The following NLN variants were observed in gnomAD, a reference collection of about 807,000 sequenced individuals.
NLN encodes the protein neurolysin.
In NLN, 64 loss-of-function variants were observed where a neutral mutation model predicts 79.9. That is an observed-to-expected ratio of 0.80 (90% CI 0.65 to 0.99). NLN has a LOEUF of 0.99. Among genes scored for constraint, NLN ranks in the 50% least tolerant of loss-of-function variants. The pLI is 0.00. For missense variants in NLN, 835 were observed against 858.7 expected (o/e 0.97, Z 0.34); for synonymous variants, 267 against 296.6 (o/e 0.90, Z 1.02).
Position 65,827,171 on chromosome 5 carries a change from G to A in NLN, c.*4256G>A, listed in dbSNP as rs1057062461. On this transcript the variant is annotated 3_prime_UTR_variant, in exon 13 of 13. Transcript: ENST00000380985. ...AACAAAACAAAATTTGAAAAATTGA[G>A]GTAATGTACACAGCGATGCACACAC... 1 of 151,948 alleles carries A rather than the reference G, an allele frequency of 6.6e-6. No individual in the cohort carries two copies. The highest frequency in any genetic ancestry group is 1.5e-5 in the Non-Finnish European group (1 of 68,008). The allele number at this position is 151,948 out of a possible 1,614,324, so 9.4% of individuals were successfully genotyped here.
chr5:65,737,730 C>T (rs1309224110), intron 1 of NLN, among the ~76,000 whole-genome samples: 6 of 152,120 alleles, frequency 3.9e-5, no homozygotes, highest in Non-Finnish European at 8.8e-5. Flanking sequence ...TTTCTTAATA[C>T]AAAAACCCGG....
chr5:65,788,025 A>C, intron 7 of NLN, 93 bp from the exon 8 acceptor site: 2 of 1,258,376 alleles, frequency 1.6e-6, no homozygotes, highest in South Asian at 2.8e-5. Context: ...AGTACTGCAA[A>C]GGAGGAAGCA....
At chr5:65,772,200 C>G (rs747819366) in intron 3 of NLN, among the ~76,000 whole-genome samples, 1 of 152,156 alleles carries the variant, frequency 6.6e-6, no homozygotes. Flanking sequence ...TTTCCAAGTA[C>G]TTACCTATTT....
intron 6 of NLN, among the ~76,000 whole-genome samples, chr5:65,784,890 C>G (rs2150759398): frequency 6.6e-6 from 1 of 152,306 alleles, no homozygotes; most frequent in East Asian, 1.9e-4. Context: ...GTGAATTTCA[C>G]TACTCTAGGA....
intron 6 of NLN, among the ~76,000 whole-genome samples, chr5:65,784,497 G>A (rs1371960820): frequency 1.1e-4 from 16 of 152,104 alleles, no homozygotes; most frequent in Non-Finnish European, 1.9e-4. Flanking sequence ...AAGGGGCATC[G>A]GCATTCAGTG....
intron 1 of NLN, among the ~76,000 whole-genome samples, chr5:65,735,590 C>T (rs1758712163): frequency 6.6e-6 from 1 of 152,164 alleles, no homozygotes; most frequent in African/African-American, 2.4e-5. Context: ...TCCAAATCTT[C>T]CTCATCATGA....
At chr5:65,738,941 T>A (rs1579912498) in intron 1 of NLN, among the ~76,000 whole-genome samples, 1 of 113,032 alleles carries the variant, frequency 8.8e-6, no homozygotes, top group African/African-American at 3.4e-5. Flanking sequence ...TATATATTTT[T>A]TATATATGTT....
intron 12 of NLN, among the ~76,000 whole-genome samples, chr5:65,812,695 G>A (rs969532268): frequency 6.6e-6 from 1 of 152,188 alleles, no homozygotes; most frequent in Non-Finnish European, 1.5e-5. Flanking sequence ...GTTTTGACAT[G>A]TACCATACAA....
At position 65,792,611 on chromosome 5, in the gene NLN, T is replaced by TA; in HGVS notation, c.1484dup (p.Tyr495Ter). 1.2e-6 allele frequency: 2 copies of TA among 1,614,104 alleles called. No individual in the cohort carries two copies. The highest frequency in any genetic ancestry group is 1.7e-6 in the Non-Finnish European group (2 of 1,179,992). Residue 495 changes from tyrosine (Y) to a stop codon, truncating the protein, a stop_gained and frameshift_variant, in exon 9 of 13, where the codon TAC (tyrosine) becomes TAAC (stop). Coordinates refer to ENST00000380985, the MANE Select transcript of NLN (RefSeq NM_020726.5). LOFTEE classifies it high-confidence loss of function. ...CCTGAGACACGACGAGGTGAGGACT[T>TA]ACTTTCATGAGTTTGGTCACGTGAT... Reference protein sequence around the residue: ...SLLRHDEVRTYFHEFGHVMHQ... With the variant: ...SLLRHDEVRT
At chr5:65,797,172 C>G (rs1180177564) in intron 9 of NLN, among the ~76,000 whole-genome samples, 1 of 152,154 alleles carries the variant, frequency 6.6e-6, no homozygotes, top group Non-Finnish European at 1.5e-5. Context: ...TAATCACTAG[C>G]CTTTGAACTT....
intron 1 of NLN, among the ~76,000 whole-genome samples, chr5:65,739,329 A>G (rs1421667703): frequency 6.6e-6 from 1 of 152,074 alleles, no homozygotes; most frequent in Admixed American, 6.6e-5. Flanking sequence ...AGGTTCATCC[A>G]TGTTGTCACA....
At chr5:65,786,099 A>G (rs916534169) in intron 7 of NLN, 189 bp downstream of exon 7, 3 of 468,212 alleles carry the variant, frequency 6.4e-6, no homozygotes, top group African/African-American at 5.8e-5. Flanking sequence ...TATTGCTAGT[A>G]TAGGCCTGGC....
intron 9 of NLN, among the ~76,000 whole-genome samples, chr5:65,793,809 T>G (rs571462218): frequency 1.2e-4 from 19 of 152,148 alleles, no homozygotes; most frequent in Non-Finnish European, 2.2e-4. Context: ...AAAGATGATA[T>G]AAGGATTGCC....
chr5:65,751,051 C>T (rs1000408162), intron 1 of NLN, among the ~76,000 whole-genome samples: 16 of 152,174 alleles, frequency 1.1e-4, no homozygotes, highest in Non-Finnish European at 4.4e-5. Flanking sequence ...TAAACTTATA[C>T]AGGAATTCCG....
At chr5:65,801,312 A>G (rs182390905) in intron 9 of NLN, among the ~76,000 whole-genome samples, 1 of 152,310 alleles carries the variant, frequency 6.6e-6, no homozygotes, top group East Asian at 1.9e-4. Flanking sequence ...TATAGTTTAA[A>G]AACTGGGGAA....
intron 7 of NLN, 143 bp from the exon 8 acceptor site, chr5:65,787,974 TC>T (rs962941150): frequency 9.3e-6 from 7 of 751,860 alleles, no homozygotes; most frequent in African/African-American, 8.8e-5. Context: ...CTCACGTTTT[TC>T]CTCCTCCTTT....
At chr5:65,803,948 T>G (rs1760350683) in intron 9 of NLN, among the ~76,000 whole-genome samples, 1 of 152,240 alleles carries the variant, frequency 6.6e-6, no homozygotes, top group African/African-American at 2.4e-5. Context: ...GGATAGATGG[T>G]TACAAAGGCT....
chr5:65,761,791 A>G (rs1259036635), intron 2 of NLN, among the ~76,000 whole-genome samples: 1 of 152,172 alleles, frequency 6.6e-6, no homozygotes, highest in Non-Finnish European at 1.5e-5. Context: ...TATTTGTGGC[A>G]GGTATTTCTA....
chr5:65,766,754 A>G (rs1759460882), intron 3 of NLN, among the ~76,000 whole-genome samples: 1 of 152,258 alleles, frequency 6.6e-6, no homozygotes, highest in African/African-American at 2.4e-5. Context: ...AATCAAAGAC[A>G]AGTTAGTTAC....
Sources: gnomAD v4.1 joint callset for allele counts (sites outside exome capture counted in the v4.1 genomes callset) on GRCh38, gnomAD v4.1.1 for gene constraint, MANE v1.5 for transcripts, NCBI Gene and HGNC (gene_info 2026-07-23, HGNC 2026-07-21) for gene names.